The following MYO9A variants were observed in gnomAD, a reference collection of about 807,000 sequenced individuals.
MYO9A encodes unconventional myosin-IXa.
A neutral mutation model predicts 293.3 loss-of-function variants in MYO9A; 103 were observed. That is an observed-to-expected ratio of 0.35 (90% CI 0.30 to 0.41). The LOEUF is 0.41. Ranked by LOEUF, MYO9A falls within the 10% of genes least tolerant of loss-of-function variation. The probability of loss-of-function intolerance (pLI) is 1.00; values close to 1 mark genes in which losing one functional copy is unlikely to be tolerated. For missense variants in MYO9A, 2,685 were observed against 3,033.0 expected, an observed-to-expected ratio of 0.89 and a Z score of 2.69; for synonymous variants, 1,001 against 1,035.7, an observed-to-expected ratio of 0.97 and a Z score of 0.64.
At chr15:71,889,692 G>T (rs1187981453) in intron 26 of MYO9A, 1 of 151,648 alleles carries the variant, frequency 6.6e-6, no homozygotes, top group Non-Finnish European at 1.5e-5. Context: ...AGAAAAAAGG[G>T]TTTACCAAAA....
At chr15:71,955,491 GC>G (rs1225179703) in intron 14 of MYO9A, among the ~76,000 whole-genome samples, 1 of 152,128 alleles carries the variant, frequency 6.6e-6, no homozygotes, top group East Asian at 1.9e-4. Context: ...CTAGCTTTTT[GC>G]TGAGGATTTT....
chr15:72,027,409 A>T (rs907429405), intron 4 of MYO9A, among the ~76,000 whole-genome samples: 18 of 152,058 alleles, frequency 1.2e-4, no homozygotes, highest in Non-Finnish European at 1.9e-4. Flanking sequence ...TTTATTGAAA[A>T]TTTTTTTTCT....
chr15:71,935,433 T>C lies in MYO9A; in HGVS notation c.2430A>G (p.Arg810=). 1 of 1,613,702 alleles carries C rather than the reference T, an allele frequency of 6.2e-7. No homozygotes were observed. Among genetic ancestry groups the C allele is most frequent in the African/African-American group, 1.3e-5 (1 of 75,042 alleles). ...WNGRTGIRQS[R]LSSGTSLLDK... is the part of the protein sequence containing the mutation. ...CAAGCAAGGAGGTGCCACTTGATAG[T>C]CTGCTCTGGCGAATCCCAGTTCTGC... Residue 810 remains arginine (R), a synonymous_variant, in exon 17 of 42, where the codon AGA becomes AGG. Coordinates refer to ENST00000356056, the MANE Select transcript of MYO9A (RefSeq NM_006901.4).
At chr15:71,845,929 A>C (rs1238980824) in intron 39 of MYO9A, among the ~76,000 whole-genome samples, 2 of 152,166 alleles carry the variant, frequency 1.3e-5, no homozygotes, top group Non-Finnish European at 2.9e-5. Context: ...AAGTTTGATT[A>C]TTCTTCTTGA....
intron 8 of MYO9A, 34 bp downstream of exon 8, chr15:72,007,792 A>T: frequency 1.3e-6 from 2 of 1,593,900 alleles, no homozygotes; most frequent in Non-Finnish European, 1.7e-6. Flanking sequence ...AGTTACAAAG[A>T]TTTGAAATGA....
chr15:72,053,917 A>G (rs2078644258), intron 1 of MYO9A, among the ~76,000 whole-genome samples: 1 of 152,224 alleles, frequency 6.6e-6, no homozygotes, highest in African/African-American at 2.4e-5. Context: ...AGGTAGATCA[A>G]ATAGAAAACA....
intron 2 of MYO9A, among the ~76,000 whole-genome samples, chr15:72,038,568 A>G (rs143191702): frequency 1.9e-3 from 286 of 152,332 alleles, no homozygotes; most frequent in Non-Finnish European, 3.2e-3. Flanking sequence ...CTGCTCCCCC[A>G]CACACAAAAA....
chr15:72,111,830 G>C (rs2080792105), intron 1 of MYO9A, among the ~76,000 whole-genome samples: 1 of 151,902 alleles, frequency 6.6e-6, no homozygotes, highest in South Asian at 2.1e-4. Flanking sequence ...CATTTTTGTA[G>C]AGACAAGGTC....
At chr15:72,063,254 T>C (rs1452200502) in intron 1 of MYO9A, among the ~76,000 whole-genome samples, 1 of 152,186 alleles carries the variant, frequency 6.6e-6, no homozygotes, top group Non-Finnish European at 1.5e-5. Flanking sequence ...AAAATTAGAA[T>C]GGATTAAAGA....
intron 39 of MYO9A, among the ~76,000 whole-genome samples, chr15:71,836,236 A>G (rs1248282595): frequency 6.6e-6 from 1 of 152,096 alleles, no homozygotes; most frequent in African/African-American, 2.4e-5. Context: ...CAGGCTCCTC[A>G]CAAAAGAGGA....
intron 1 of MYO9A, among the ~76,000 whole-genome samples, chr15:72,080,643 T>C (rs1441336799): frequency 6.6e-6 from 1 of 152,068 alleles, no homozygotes; most frequent in Non-Finnish European, 1.5e-5. Flanking sequence ...CAAGGGTACA[T>C]GTGCAGGTTT....
Position 71,888,078 on chromosome 15 carries a change from T to C in MYO9A, c.5181A>G (p.Lys1727=). 6.2e-7 allele frequency: 1 copy of C among 1,610,510 alleles called. No homozygotes were observed. The highest frequency in any genetic ancestry group is 8.5e-7 in the Non-Finnish European group (1 of 1,178,306). ...CTCCTTGAGACATAGTCTTATGAAG[T>C]TTTGCTTGTTCATCAACTGACGAAA... is the stretch of plus-strand genomic sequence containing the variant. ...QRFSSVDEQA[K]LHKTMSQGEI... is the part of the protein sequence containing the mutation. Residue 1727 remains lysine (K), a synonymous_variant, in exon 27 of 42, where the codon AAA becomes AAG. Transcript: ENST00000356056.
Position 71,879,733 on chromosome 15 carries a change from T to C in MYO9A, c.5727A>G (p.Ser1909=), listed in dbSNP as rs764607150. ...EFRQNIFSFY[S]SALAMDDGKS... ...TAGTCCAACTCACCGCCAATGCAGA[T>C]GAATAAAAGCTGAAGATATTCTGCC... The change falls in exon 30 of 42, where the codon TCA becomes TCG. Residue 1909 remains serine, a synonymous_variant. Coordinates refer to ENST00000356056, the MANE Select transcript of MYO9A (RefSeq NM_006901.4). 11 of 1,610,516 alleles carry C rather than the reference T, an allele frequency of 6.8e-6. No individual in the cohort carries two copies. The highest frequency in any genetic ancestry group is 1.1e-5 in the South Asian group (1 of 90,984).
intron 1 of MYO9A, among the ~76,000 whole-genome samples, chr15:72,061,949 G>A (rs920510651): frequency 5.3e-5 from 8 of 152,294 alleles, no homozygotes; most frequent in Admixed American, 4.6e-4. Context: ...TGGTCACGGC[G>A]GTGCTTGGGT....
intron 1 of MYO9A, among the ~76,000 whole-genome samples, chr15:72,113,022 G>A (rs1479162805): frequency 6.6e-6 from 1 of 152,166 alleles, no homozygotes; most frequent in Non-Finnish European, 1.5e-5. Flanking sequence ...CTCTAGTCCA[G>A]GAGTTTAAGA....
chr15:72,088,407 G>A (rs1051145642), intron 1 of MYO9A, among the ~76,000 whole-genome samples: 3 of 152,154 alleles, frequency 2.0e-5, no homozygotes, highest in Non-Finnish European at 4.4e-5. Context: ...TTTTCCAATA[G>A]TGCTTCAAAT....
chr15:71,829,752 C>T (rs537328890), intron 40 of MYO9A, among the ~76,000 whole-genome samples: 18 of 152,158 alleles, frequency 1.2e-4, no homozygotes, highest in Non-Finnish European at 2.2e-4. Flanking sequence ...GGCTGGTCTC[C>T]GACCTGTTAG....
chr15:71,871,339 C>T (rs1463758050), intron 32 of MYO9A, among the ~76,000 whole-genome samples: 1 of 152,062 alleles, frequency 6.6e-6, no homozygotes, highest in Non-Finnish European at 1.5e-5. Flanking sequence ...TACGCCACTG[C>T]ACTTCAGGCT....
intron 8 of MYO9A, among the ~76,000 whole-genome samples, chr15:72,004,102 ACGAT>A (rs1454649501): frequency 6.6e-6 from 1 of 152,212 alleles, no homozygotes; most frequent in Non-Finnish European, 1.5e-5. Flanking sequence ...TACCCAATTC[ACGAT>A]TTTTTAATCA....
Sources: gnomAD v4.1 joint callset for allele counts (sites outside exome capture counted in the v4.1 genomes callset) on GRCh38, gnomAD v4.1.1 for gene constraint, MANE v1.5 for transcripts, NCBI Gene and HGNC (gene_info 2026-07-23, HGNC 2026-07-21) for gene names.